Variants in RBFOX1 observed in about 807,000 individuals in gnomAD.
The protein encoded by RBFOX1 is RNA binding fox-1 homolog 1.
RBFOX1 carries 8 observed loss-of-function variants against 57.7 expected under a neutral mutation model. The observed-to-expected ratio is 0.14, with a 90% CI of 0.08 to 0.25. The LOEUF (loss-of-function observed/expected upper bound fraction) is 0.25. RBFOX1 is among the 10% of genes least tolerant of loss of function. The probability of loss-of-function intolerance (pLI) is 1.00; values close to 1 mark genes in which losing one functional copy is unlikely to be tolerated. For synonymous variants in RBFOX1, 326 were observed against 222.4 expected (o/e 1.47, Z -4.15); for missense variants, 611 against 548.5 (o/e 1.11, Z -1.14).
chr16:5,270,896 C>T (rs954289639), intron 1 of RBFOX1: 25 of 395,144 alleles, frequency 6.3e-5, no homozygotes, highest in African/African-American at 3.5e-4. Flanking sequence ...AGGGACGAGA[C>T]ACATGCTAAA....
chr16:7,112,094 T>A (rs1473849726), intron 4 of RBFOX1, among the ~76,000 whole-genome samples: 2 of 152,154 alleles, frequency 1.3e-5, no homozygotes, highest in Admixed American at 1.3e-4. Context: ...GAAACAAAAA[T>A]ATCCTGTGAT....
chr16:6,558,778 C>G (rs2097139569), intron 2 of RBFOX1, among the ~76,000 whole-genome samples: 1 of 150,052 alleles, frequency 6.7e-6, no homozygotes, highest in Admixed American at 6.6e-5. Context: ...CCCCCACCCC[C>G]ACCCCCTGAC....
chr16:6,199,403 A>G (rs2097201048), intron 1 of RBFOX1, among the ~76,000 whole-genome samples: 1 of 152,144 alleles, frequency 6.6e-6, no homozygotes, highest in Admixed American at 6.5e-5. Context: ...AGTCTCCCAA[A>G]CTTAATGGGA....
chr16:5,880,486 T>C (rs1021591133), intron 4 of RBFOX1, among the ~76,000 whole-genome samples: 1 of 152,272 alleles, frequency 6.6e-6, no homozygotes, highest in African/African-American at 2.4e-5. Flanking sequence ...CAGATCCATA[T>C]TCTGCATCGT....
intron 3 of RBFOX1, among the ~76,000 whole-genome samples, chr16:6,903,733 G>A (rs550827997): frequency 7.2e-5 from 11 of 152,156 alleles, no homozygotes; most frequent in South Asian, 2.1e-4. Flanking sequence ...GGACTAATAG[G>A]ACCTCAAAAG....
chr16:5,555,091 C>T (rs909069444), intron 2 of RBFOX1, among the ~76,000 whole-genome samples: 1 of 152,142 alleles, frequency 6.6e-6, no homozygotes, highest in Non-Finnish European at 1.5e-5. Context: ...GTGTTTGTGA[C>T]ATGTGGGGCT....
intron 4 of RBFOX1, among the ~76,000 whole-genome samples, chr16:7,331,715 G>A (rs67733657): frequency 7.2e-5 from 11 of 152,008 alleles, no homozygotes; most frequent in Non-Finnish European, 1.2e-4. Flanking sequence ...GAGTGAACAG[G>A]GTTCAGAGAG....
intron 3 of RBFOX1, among the ~76,000 whole-genome samples, chr16:5,861,274 G>T (rs185525522): frequency 6.6e-6 from 1 of 152,176 alleles, no homozygotes; most frequent in Non-Finnish European, 1.5e-5. Context: ...TTGGCTACAT[G>T]CTTACACCCC....
At chr16:6,295,076 G>A (rs1384168982) in intron 1 of RBFOX1, among the ~76,000 whole-genome samples, 1 of 148,476 alleles carries the variant, frequency 6.7e-6, no homozygotes, top group Non-Finnish European at 1.5e-5. Context: ...GTCCATTTCT[G>A]GCAAAGAGCT....
chr16:7,132,239 C>G (rs754976605), intron 4 of RBFOX1, among the ~76,000 whole-genome samples: 2 of 151,994 alleles, frequency 1.3e-5, no homozygotes, highest in African/African-American at 4.8e-5. Flanking sequence ...TCTCGGCCTC[C>G]CAAAGTGCTG....
At chr16:7,278,603 C>G (rs1398652691) in intron 4 of RBFOX1, among the ~76,000 whole-genome samples, 1 of 152,116 alleles carries the variant, frequency 6.6e-6, no homozygotes, top group Non-Finnish European at 1.5e-5. Context: ...CTGTTTGTAT[C>G]CTTTCCTATC....
chr16:6,932,631 A>G (rs1244865195), intron 3 of RBFOX1, among the ~76,000 whole-genome samples: 1 of 152,164 alleles, frequency 6.6e-6, no homozygotes, highest in African/African-American at 2.4e-5. Flanking sequence ...CCAAACATCT[A>G]GCCCCAGGCA....
At chr16:5,506,921 C>T (rs2043399830) in intron 2 of RBFOX1, among the ~76,000 whole-genome samples, 1 of 152,112 alleles carries the variant, frequency 6.6e-6, no homozygotes, top group South Asian at 2.1e-4. Context: ...CTGGAGTCCC[C>T]CCTACTAGTC....
At chr16:7,512,818 C>T (rs2075454535) in intron 4 of RBFOX1, among the ~76,000 whole-genome samples, 1 of 152,242 alleles carries the variant, frequency 6.6e-6, no homozygotes, top group Non-Finnish European at 1.5e-5. Flanking sequence ...TGCCCCACTC[C>T]TTTCGAATGG....
Position 6,676,673 on chromosome 16 carries a change from CTT to C in RBFOX1, c.-16+22041_-16+22042del, listed in dbSNP as rs756578276. On this transcript the variant is annotated intron_variant, in intron 3 of 15. Coordinates refer to ENST00000550418, the MANE Select transcript of RBFOX1 (RefSeq NM_018723.4). ...TTTTTTTTCTTTTTGTTTTTCTTTT[CTT>C]TTTTTTTTTTTTTTTTTGAGACAAA... Among the ~76,000 whole-genome samples the C allele has an allele frequency of 4.1e-3, 425 of 103,522 alleles. 1 individual carries two copies. The highest frequency in any genetic ancestry group is 6.6e-3 in the Middle Eastern group (1 of 152). 67.9% of individuals were successfully genotyped at this position (103,522 alleles called of 152,430 possible). A position where few individuals can be genotyped will look rare whatever the true frequency, so the allele number is the denominator to read the frequency against.
At chr16:7,415,772 G>A (rs537085663) in intron 4 of RBFOX1, among the ~76,000 whole-genome samples, 3 of 128,110 alleles carry the variant, frequency 2.3e-5, no homozygotes, top group East Asian at 5.1e-4. Flanking sequence ...GCAGGAAAGT[G>A]GAAGAAAATA....
chr16:7,297,270 C>A (rs903615730), intron 4 of RBFOX1, among the ~76,000 whole-genome samples: 4 of 152,160 alleles, frequency 2.6e-5, no homozygotes, highest in Non-Finnish European at 5.9e-5. Context: ...ACTACCCCAC[C>A]CTGTGAGATG....
chr16:7,242,499 C>G (rs1567859490), intron 4 of RBFOX1, among the ~76,000 whole-genome samples: 1 of 152,264 alleles, frequency 6.6e-6, no homozygotes, highest in Middle Eastern at 3.4e-3. Flanking sequence ...GTGTACCTCC[C>G]CCTGCATCCT....
intron 3 of RBFOX1, among the ~76,000 whole-genome samples, chr16:6,767,409 A>G (rs560093537): frequency 6.6e-6 from 1 of 152,196 alleles, no homozygotes; most frequent in East Asian, 1.9e-4. Context: ...ACTGAGTTCC[A>G]ATTCTCTGAA....
Sources: allele counts gnomAD v4.1 joint callset (sites outside exome capture counted in the v4.1 genomes callset), GRCh38; gene constraint gnomAD v4.1.1; transcripts MANE v1.5; gene names NCBI Gene and HGNC (gene_info 2026-07-23, HGNC 2026-07-21).